The following COL5A3 variants were observed in gnomAD, a reference collection of about 807,000 sequenced individuals.
COL5A3 encodes the protein collagen type V alpha 3 chain, also known as collagen alpha-3(V) chain.
Under a neutral mutation model 250.0 loss-of-function variants are expected in COL5A3, and 172 were observed. That is an observed-to-expected ratio of 0.69 (90% CI 0.61 to 0.78). The LOEUF (loss-of-function observed/expected upper bound fraction) is 0.78, where lower values mean the gene tolerates loss of function less well. Among genes scored for constraint, COL5A3 ranks in the 30% least tolerant of loss-of-function variants. The probability of loss-of-function intolerance (pLI) is 0.00; values close to 1 mark genes in which losing one functional copy is unlikely to be tolerated. For missense variants in COL5A3, 2,340 were observed against 2,334.4 expected, an observed-to-expected ratio of 1.00 and a Z score of -0.05; for synonymous variants, 937 against 900.4, an observed-to-expected ratio of 1.04 and a Z score of -0.73.
rs747940597 is a variant in COL5A3, at chr19:10,005,630, A to G, written c.522T>C (p.His174=). 1.2e-6 allele frequency: 2 copies of G among 1,614,128 alleles called. No individual in the cohort carries two copies. Among genetic ancestry groups the G allele is most frequent in the Non-Finnish European group, 1.7e-6 (2 of 1,180,002 alleles). ...DCEAQPPVLG[H]GPRFISIAGL... is the part of the protein sequence containing the mutation. ...CAGCTATGCTGATGAAGCGGGGGCC[A>G]TGGCCCAAAACAGGGGGCTGAGCTT... The change falls in exon 4 of 67, where the codon CAT becomes CAC. Residue 174 remains histidine (H), a synonymous_variant. Coordinates refer to ENST00000264828, the MANE Select transcript of COL5A3 (RefSeq NM_015719.4).
In COL5A3 at chr19:9,980,170, G is replaced by C. The variant is rs190586613; in HGVS notation, c.2605-123C>G. The C allele has an allele frequency of 7.1e-3, 6,564 of 928,628 alleles. 73 individuals are homozygous for C. Among genetic ancestry groups the C allele is most frequent in the Admixed American group, 0.053 (1,779 of 33,328 alleles). The allele number at this position is 928,628 out of a possible 1,614,324, so 57.5% of individuals were successfully genotyped here. ...GCTTACTGCATGCCAGGCATGGGCAGGGCATTCTCCACAAGTCAGTCATTT... is the reference window on the plus strand; with the variant it reads ...GCTTACTGCATGCCAGGCATGGGCACGGCATTCTCCACAAGTCAGTCATTT... On this transcript the variant is annotated intron_variant, in intron 35 of 66. Coordinates refer to ENST00000264828, the MANE Select transcript of COL5A3 (RefSeq NM_015719.4).
chr19:9,971,757 C>G (rs2086850813), intron 51 of COL5A3, among the ~76,000 whole-genome samples: 1 of 152,240 alleles, frequency 6.6e-6, no homozygotes, highest in Non-Finnish European at 1.5e-5. Flanking sequence ...CACCCCAAAT[C>G]TGACCCAATT....
intron 5 of COL5A3, 100 bp from the exon 6 acceptor site, chr19:10,003,814 C>A: frequency 6.7e-7 from 1 of 1,486,114 alleles, no homozygotes; most frequent in Admixed American, 1.8e-5. Flanking sequence ...CGTGGGTCCT[C>A]ACTCAGCCCT....
chr19:9,969,794 G>A, intron 55 of COL5A3, 75 bp downstream of exon 55: 1 of 1,590,070 alleles, frequency 6.3e-7, no homozygotes, highest in Non-Finnish European at 8.6e-7. Context: ...GTGGTCATAG[G>A]TCCACCCTCT....
chr19:9,966,497 C>T (rs1360188760), intron 63 of COL5A3, 39 bp downstream of exon 63: 2 of 1,555,040 alleles, frequency 1.3e-6, no homozygotes, highest in Admixed American at 1.9e-5. Context: ...CCCACACCCC[C>T]ACTCCGCCCA....
chr19:9,968,246 G>C lies in COL5A3; in HGVS notation c.4314+139C>G, dbSNP rs1599529949. On this transcript the variant is annotated intron_variant, in intron 59 of 66. Transcript: ENST00000264828. This position sits in a 1 kb window ranked among gnomAD's most constrained non-coding sequence, Gnocchi z 4.1. The stretch of plus-strand genomic sequence containing the variant: ...CCCAGACGCAGCCTCCAACTTGCCA[G>C]TTCCCAGATACATCCCCCTATTTTC... 1 of 982,828 alleles carries C rather than the reference G, an allele frequency of 1.0e-6. No homozygotes were observed. Among genetic ancestry groups the C allele is most frequent in the East Asian group, 2.5e-5 (1 of 39,554 alleles). 60.9% of individuals were successfully genotyped at this position (982,828 alleles called of 1,614,324 possible).
At chr19:9,997,104 C>A (rs1428265030) in intron 11 of COL5A3, 3 of 567,482 alleles carry the variant, frequency 5.3e-6, no homozygotes, top group Non-Finnish European at 9.4e-6. Flanking sequence ...GAGACAGAGA[C>A]AGAGTCACAA....
chr19:9,994,533 C>T (rs111739063), intron 16 of COL5A3, among the ~76,000 whole-genome samples: 1 of 136,198 alleles, frequency 7.3e-6, no homozygotes, highest in Non-Finnish European at 1.6e-5. Context: ...CTCTGTTGCC[C>T]AGGCTGGAGT....
chr19:10,006,145 G>C lies in COL5A3; in HGVS notation c.175C>G (p.Pro59Ala). 5 of 1,612,590 alleles carry C rather than the reference G, an allele frequency of 3.1e-6. No individual in the cohort carries two copies. Among genetic ancestry groups the C allele is most frequent in the Non-Finnish European group, 4.2e-6 (5 of 1,179,348 alleles). Residue 59 changes from proline to alanine, a missense_variant, in exon 2 of 67, where the codon CCA becomes GCA. By Grantham distance (27) the Pro-to-Ala change is conservative (BLOSUM62 -1). Transcript: ENST00000264828. ...ATTCTGAATGCCCGGTCACCCTCTGGAGTCCTCTGGGGACAGAAGCCAGGC... is the reference window on the plus strand; with the variant it reads ...ATTCTGAATGCCCGGTCACCCTCTGCAGTCCTCTGGGGACAGAAGCCAGGC... ...EGPGFCPQRT[P>A]EGDRAFRIGQ...
chr19:9,979,517 C>T (rs752398424), intron 37 of COL5A3, 100 bp from the exon 38 acceptor site: 19 of 1,268,408 alleles, frequency 1.5e-5, no homozygotes, highest in East Asian at 2.3e-5. Context: ...CTGGCCGGTC[C>T]GGTGGCTCAC....
chr19:9,978,911 T>C lies in COL5A3; in HGVS notation c.2944A>G (p.Lys982Glu). ...CTCACCGGGTCCCCAGGGCCCCCTTTGGGGCCGGGAAAGCCCCTGAGTCCA... is the reference window on the plus strand; with the variant it reads ...CTCACCGGGTCCCCAGGGCCCCCTTCGGGGCCGGGAAAGCCCCTGAGTCCA... ...PAGLRGFPGP[K>E]GGPGDPGPTG... is the part of the protein sequence containing the mutation. The change falls in exon 40 of 67, where the codon AAA becomes GAA. Residue 982 changes from lysine to glutamate, a missense_variant. By Grantham distance (56) the Lys-to-Glu change is moderately conservative. This residue lies in a region of COL5A3 where 1,179 missense variants were observed against 1,162.6 expected (regional missense o/e 1.01). Transcript: ENST00000264828. 1 of 1,490,242 alleles carries C rather than the reference T, an allele frequency of 6.7e-7. No individual in the cohort carries two copies. Among genetic ancestry groups the C allele is most frequent in the Non-Finnish European group, 8.9e-7 (1 of 1,121,798 alleles). 92.3% of individuals were successfully genotyped at this position (1,490,242 alleles called of 1,614,324 possible). A position where few individuals can be genotyped will look rare whatever the true frequency, so the allele number is the denominator to read the frequency against.
intron 6 of COL5A3, among the ~76,000 whole-genome samples, chr19:10,002,792 A>G (rs1354957318): frequency 6.6e-6 from 1 of 152,034 alleles, no homozygotes; most frequent in African/African-American, 2.4e-5. Flanking sequence ...CCACCCATCA[A>G]TGACTTCCTA....
intron 1 of COL5A3, 73 bp downstream of exon 1, chr19:10,010,225 C>A (rs898547429): frequency 1.1e-4 from 128 of 1,114,664 alleles, no homozygotes; most frequent in Non-Finnish European, 1.3e-4. Context: ...CCTCCACCCC[C>A]CTCCACCCCT....
chr19:9,976,131 T>C (rs1013624035), intron 45 of COL5A3, among the ~76,000 whole-genome samples: 1 of 151,012 alleles, frequency 6.6e-6, no homozygotes, highest in African/African-American at 2.4e-5. Flanking sequence ...AATTCTGGGG[T>C]TGAGTTCACA....
At chr19:9,988,734 G>A (rs530151827) in intron 27 of COL5A3, among the ~76,000 whole-genome samples, 2 of 150,864 alleles carry the variant, frequency 1.3e-5, no homozygotes, top group East Asian at 2.0e-4. Flanking sequence ...AGGAAGCTGA[G>A]GCAGTAGAAT....
intron 19 of COL5A3, 59 bp from the exon 20 acceptor site, chr19:9,993,126 C>T (rs2087218437): frequency 3.8e-6 from 6 of 1,565,598 alleles, no homozygotes; most frequent in African/African-American, 1.4e-5. Context: ...GAGCCACCTC[C>T]CCTCATCTGG....
At chr19:9,999,469 CTT>C (rs530527039) in intron 8 of COL5A3, among the ~76,000 whole-genome samples, 17 of 120,370 alleles carry the variant, frequency 1.4e-4, no homozygotes, top group Non-Finnish European at 1.8e-4. Flanking sequence ...TTTCTTTTTT[CTT>C]TTTTTTTTTT....
intron 1 of COL5A3, among the ~76,000 whole-genome samples, chr19:10,008,504 G>T (rs1374020306): frequency 6.6e-6 from 1 of 152,148 alleles, no homozygotes; most frequent in Non-Finnish European, 1.5e-5. Flanking sequence ...GCTGGTCAGG[G>T]CCCCCACGGG....
In COL5A3 at chr19:9,960,055, T is replaced by G. The variant is rs1218812333; in HGVS notation, c.*356A>C. The G allele has an allele frequency of 6.2e-5, 13 of 210,100 alleles. No homozygotes were observed. The highest frequency in any genetic ancestry group is 1.2e-4 in the South Asian group (2 of 16,184). The allele number at this position is 210,100 out of a possible 1,614,324, so 13.0% of individuals were successfully genotyped here. ...GGTGTGAAGGGCAGCGACGGAGGAG[T>G]GAGGAGGCAGGCATTGGGGGTGGGG... On this transcript the variant is annotated 3_prime_UTR_variant, in exon 67 of 67. Coordinates refer to ENST00000264828, the MANE Select transcript of COL5A3 (RefSeq NM_015719.4).
Sources: allele counts gnomAD v4.1 joint callset (sites outside exome capture counted in the v4.1 genomes callset), GRCh38; gene constraint gnomAD v4.1.1; regional missense constraint gnomAD v4.1.1; non-coding constraint Gnocchi (gnomAD v3.1); transcripts MANE v1.5; gene names NCBI Gene and HGNC (gene_info 2026-07-23, HGNC 2026-07-21).